Variants in MALRD1 observed in about 807,000 individuals in gnomAD.
The protein encoded by MALRD1 is MAM and LDL receptor class A domain containing 1.
A neutral mutation model predicts 242.1 loss-of-function variants in MALRD1; 247 were observed. That is an observed-to-expected ratio of 1.02 (90% CI 0.92 to 1.13). The LOEUF is 1.13. Ranked by LOEUF, MALRD1 falls within the 50% of genes most tolerant of loss-of-function variation. The pLI, the probability that MALRD1 is intolerant of heterozygous loss-of-function variation, is 0.00. For missense variants in MALRD1, 2,989 were observed against 2,533.1 expected (o/e 1.18, Z -3.86); for synonymous variants, 995 against 866.6 (o/e 1.15, Z -2.60).
intron 11 of MALRD1, among the ~76,000 whole-genome samples, chr10:19,151,870 T>C (rs1423844947): frequency 6.6e-6 from 1 of 152,132 alleles, no homozygotes; most frequent in Non-Finnish European, 1.5e-5. Flanking sequence ...CTAACTGGAG[T>C]AATTTTATTT....
chr10:19,561,974 A>G (rs1046265312), intron 32 of MALRD1, among the ~76,000 whole-genome samples: 1 of 152,170 alleles, frequency 6.6e-6, no homozygotes, highest in African/African-American at 2.4e-5. Context: ...TACCAGAAAC[A>G]GAAGGGAATG....
At chr10:19,050,037 G>A (rs1385841509) in intron 1 of MALRD1, among the ~76,000 whole-genome samples, 1 of 151,392 alleles carries the variant, frequency 6.6e-6, no homozygotes, top group East Asian at 1.9e-4. Flanking sequence ...TTATCCAGAG[G>A]CACGAATTCT....
intron 36 of MALRD1, among the ~76,000 whole-genome samples, chr10:19,658,570 A>G (rs957957320): frequency 6.6e-6 from 1 of 152,160 alleles, no homozygotes. Context: ...GTAAGGGTCA[A>G]GAGTTATTGG....
At chr10:19,267,708 T>C (rs1840026996) in intron 19 of MALRD1, among the ~76,000 whole-genome samples, 1 of 152,138 alleles carries the variant, frequency 6.6e-6, no homozygotes, top group South Asian at 2.1e-4. Flanking sequence ...ATGAAAGCAC[T>C]GTGTTTTGAA....
chr10:19,463,611 A>G (rs1417541470), intron 29 of MALRD1, among the ~76,000 whole-genome samples: 7 of 147,598 alleles, frequency 4.7e-5, no homozygotes, highest in African/African-American at 1.8e-4. Flanking sequence ...TTCTTTATCT[A>G]CTCATTGACT....
intron 21 of MALRD1, among the ~76,000 whole-genome samples, chr10:19,322,166 A>T (rs1002363476): frequency 1.3e-5 from 2 of 152,142 alleles, no homozygotes; most frequent in Non-Finnish European, 2.9e-5. Context: ...AATCATATAC[A>T]TATAGATATG....
intron 14 of MALRD1, among the ~76,000 whole-genome samples, chr10:19,188,588 TC>T (rs1835837973): frequency 6.6e-6 from 1 of 152,228 alleles, no homozygotes; most frequent in African/African-American, 2.4e-5. Context: ...AGAGTGGCCT[TC>T]TTTTTGTCTG....
At chr10:19,111,706 CT>C (rs1836686013) in intron 5 of MALRD1, among the ~76,000 whole-genome samples, 1 of 152,188 alleles carries the variant, frequency 6.6e-6, no homozygotes, top group Non-Finnish European at 1.5e-5. Flanking sequence ...CCTGGGAATG[CT>C]GCAAAGGAAG....
intron 31 of MALRD1, among the ~76,000 whole-genome samples, chr10:19,499,476 C>T (rs1179929217): frequency 6.6e-6 from 1 of 151,506 alleles, no homozygotes; most frequent in Non-Finnish European, 1.5e-5. Context: ...GCCTATGCAG[C>T]AAGAAGGATC....
intron 28 of MALRD1, 131 bp downstream of exon 28, chr10:19,389,740 A>G (rs1033152971): frequency 1.8e-5 from 17 of 952,414 alleles, no homozygotes; most frequent in Non-Finnish European, 2.6e-5. Flanking sequence ...CCTGGACTCA[A>G]GCGATCCTCC....
At chr10:19,297,014 T>TA (rs1211625686) in intron 21 of MALRD1, among the ~76,000 whole-genome samples, 5 of 151,474 alleles carry the variant, frequency 3.3e-5, no homozygotes, top group Non-Finnish European at 5.9e-5. Flanking sequence ...ATTTCTATAA[T>TA]GCCTTTTGTG....
chr10:19,554,416 C>T (rs1835622298), intron 32 of MALRD1, among the ~76,000 whole-genome samples: 1 of 152,038 alleles, frequency 6.6e-6, no homozygotes, highest in Non-Finnish European at 1.5e-5. Context: ...TTCCAGGGTA[C>T]ATGCGCAGGA....
intron 18 of MALRD1, among the ~76,000 whole-genome samples, chr10:19,226,711 C>T (rs529036826): frequency 3.6e-4 from 54 of 151,848 alleles, no homozygotes; most frequent in Middle Eastern, 3.4e-3. Context: ...ATAAGTGACA[C>T]CCAAGTTGGG....
intron 36 of MALRD1, among the ~76,000 whole-genome samples, chr10:19,618,373 G>T (rs560549347): frequency 1.3e-5 from 2 of 152,160 alleles, no homozygotes; most frequent in Non-Finnish European, 1.5e-5. Context: ...TGGGTCCAAT[G>T]GTAGTTCTGT....
intron 28 of MALRD1, among the ~76,000 whole-genome samples, chr10:19,449,586 A>G (rs1293982951): frequency 6.6e-6 from 1 of 152,238 alleles, no homozygotes; most frequent in East Asian, 1.9e-4. Flanking sequence ...CAAATAAAAT[A>G]TAGATAAAAA....
intron 29 of MALRD1, among the ~76,000 whole-genome samples, chr10:19,455,942 A>G (rs754043773): frequency 5.9e-5 from 9 of 151,948 alleles, no homozygotes; most frequent in Non-Finnish European, 1.2e-4. Context: ...GTTCCCCTCC[A>G]TGTTTTCTAC....
At chr10:19,183,275 C>T (rs1835594669) in intron 14 of MALRD1, among the ~76,000 whole-genome samples, 1 of 151,856 alleles carries the variant, frequency 6.6e-6, no homozygotes, top group Non-Finnish European at 1.5e-5. Context: ...GTGAAGAATA[C>T]AGAGAAGTAG....
At chr10:19,376,507 G>GA (rs1280075990) in intron 26 of MALRD1, among the ~76,000 whole-genome samples, 1 of 148,816 alleles carries the variant, frequency 6.7e-6, no homozygotes, top group African/African-American at 2.5e-5. Flanking sequence ...AACAATGGAG[G>GA]AAAAAATGTT....
chr10:19,647,205 A>G (rs1210172550), intron 36 of MALRD1, among the ~76,000 whole-genome samples: 1 of 152,226 alleles, frequency 6.6e-6, no homozygotes, highest in African/African-American at 2.4e-5. Flanking sequence ...AAAGTCACGC[A>G]AATTTGCAAT....
Sources: allele counts gnomAD v4.1 joint callset (sites outside exome capture counted in the v4.1 genomes callset), GRCh38; gene constraint gnomAD v4.1.1; transcripts MANE v1.5; gene names NCBI Gene and HGNC (gene_info 2026-07-23, HGNC 2026-07-21).